KCNH3: variants seen among roughly 807,000 people sequenced by gnomAD.
KCNH3 encodes the protein voltage-gated inwardly rectifying potassium channel KCNH3.
In KCNH3, 36 loss-of-function variants were observed where a neutral mutation model predicts 95.6. The observed-to-expected ratio is 0.38, with a 90% CI of 0.29 to 0.50. KCNH3 has a LOEUF of 0.50. Among genes scored for constraint, KCNH3 ranks in the 20% least tolerant of loss-of-function variants. The probability of loss-of-function intolerance (pLI) is 0.95; values close to 1 mark genes in which losing one functional copy is unlikely to be tolerated. For synonymous variants in KCNH3, 620 were observed against 646.3 expected (o/e 0.96, Z 0.62); for missense variants, 1,030 against 1,484.1 (o/e 0.69, Z 5.03).
chr12:49,549,255 C>A, intron 8 of KCNH3, 82 bp downstream of exon 8: 2 of 1,500,476 alleles, frequency 1.3e-6, no homozygotes, highest in Non-Finnish European at 1.8e-6. Context: ...CCCGGAGGGC[C>A]TGAGGCCGGG....
At chr12:49,547,614 G>T (rs961907802) in intron 7 of KCNH3, among the ~76,000 whole-genome samples, 1 of 152,214 alleles carries the variant, frequency 6.6e-6, no homozygotes, top group Admixed American at 6.5e-5. Context: ...CTCCTGTGGG[G>T]CCCCCAGCTC....
chr12:49,554,084 T>G (rs1373091711), intron 10 of KCNH3, among the ~76,000 whole-genome samples: 1 of 152,116 alleles, frequency 6.6e-6, no homozygotes, highest in Non-Finnish European at 1.5e-5. Context: ...GGCACAGTGG[T>G]TTTGATCCTG....
At position 49,539,281 on chromosome 12, in the gene KCNH3, C is replaced by T. The variant is rs1937783459; in HGVS notation, c.-136C>T. ...CAGCGTCCGGCGCGACCCCGGATCC[C>T]GGTCTGCGCATTGCCCCCCGACGGC... On this transcript the variant is annotated 5_prime_UTR_variant, in exon 1 of 15. Transcript: ENST00000257981. The surrounding 1 kb of genome is among the most constrained non-coding windows in gnomAD (Gnocchi z 6.7). The T allele has an allele frequency of 5.8e-6, 2 of 346,064 alleles. No homozygotes were observed. Among genetic ancestry groups the T allele is most frequent in the Non-Finnish European group, 9.6e-6 (2 of 207,372 alleles). 21.4% of individuals were successfully genotyped at this position (346,064 alleles called of 1,614,324 possible).
In KCNH3 at chr12:49,543,906, T is replaced by C. The variant is rs1937961319; in HGVS notation, c.824-9T>C. ...CCCCAGTGCTGACTCCCACCCGGAT[T>C]CCCCACAGACATTGTGCTGAATTTC... On this transcript the variant is annotated splice_polypyrimidine_tract_variant and intron_variant, in intron 5 of 14. Coordinates refer to ENST00000257981, the MANE Select transcript of KCNH3 (RefSeq NM_012284.3). 6.2e-7 allele frequency: 1 copy of C among 1,600,932 alleles called. No individual in the cohort carries two copies. Among genetic ancestry groups the C allele is most frequent in the African/African-American group, 1.3e-5 (1 of 74,720 alleles).
Position 49,557,551 on chromosome 12 carries a change from GC to G in KCNH3, c.2855del (p.Pro952GlnfsTer6), listed in dbSNP as rs1443082884. 6.2e-7 allele frequency: 1 copy of G among 1,612,032 alleles called. No homozygotes were observed. Among genetic ancestry groups the G allele is most frequent in the Non-Finnish European group, 8.5e-7 (1 of 1,179,982 alleles). ...CTGGGGCATCCTCCTACTGCCTGCA[GC>G]CCCCAGCTGGCTCTGTCTTGAGTGG... ...DTGASSYCLQ[P>X]PAGSVLSGTW... On this transcript the variant is annotated frameshift_variant, in exon 15 of 15. Transcript: ENST00000257981. LOFTEE classifies it high-confidence loss of function.
intron 12 of KCNH3, 99 bp downstream of exon 12, chr12:49,556,050 C>A: frequency 1.5e-6 from 1 of 650,846 alleles, no homozygotes; most frequent in Middle Eastern, 3.6e-4. Context: ...ACCATCTTAA[C>A]TCCCGCTAGT....
Position 49,549,523 on chromosome 12 carries a change from C to G in KCNH3, c.1551C>G (p.Arg517=). The G allele has an allele frequency of 6.2e-7, 1 of 1,613,718 alleles. No homozygotes were observed. Among genetic ancestry groups the G allele is most frequent in the Non-Finnish European group, 8.5e-7 (1 of 1,180,040 alleles). The change falls in exon 9 of 15, where the codon CGC becomes CGG. Residue 517 remains arginine (R), a synonymous_variant. Transcript: ENST00000257981. ...MYARRFLYHS[R]TRDLRDYIRI... is the part of the protein sequence containing the mutation. ...CCCGCCGCTTTCTGTACCACAGCCG[C>G]ACGCGCGACCTGCGCGACTACATCC...
At chr12:49,541,896 G>A in intron 3 of KCNH3, 132 bp downstream of exon 3, 2 of 911,656 alleles carry the variant, frequency 2.2e-6, no homozygotes. Context: ...CTGCCTGAGA[G>A]GCCTGTGCTG....
rs757091311 is a variant in KCNH3, at chr12:49,544,983, CT to C, written c.1189+603del. On this transcript the variant is annotated intron_variant, in intron 7 of 14. Coordinates refer to ENST00000257981, the MANE Select transcript of KCNH3 (RefSeq NM_012284.3). ...CACATCTTAACTCCTGCTGGGAGGG[CT>C]TCCACCCCCACCTCTGCACCCAAAA... 3.9e-5 allele frequency among the ~76,000 whole-genome samples: 6 copies of C among 152,276 alleles called. No homozygotes were observed. The South Asian group carries it at 1.2e-3, about 32-fold the overall frequency.
chr12:49,556,809 T>C (rs763492463), intron 13 of KCNH3: 57 of 645,950 alleles, frequency 8.8e-5, no homozygotes, highest in Non-Finnish European at 1.3e-4. Flanking sequence ...CTTAGCCCAA[T>C]CTCTGGCTAA....
At position 49,539,330 on chromosome 12, in the gene KCNH3, G is replaced by T; in HGVS notation, c.-87G>T. 1.3e-6 allele frequency: 1 copy of T among 780,076 alleles called. No individual in the cohort carries two copies. The highest frequency in any genetic ancestry group is 1.8e-6 in the Non-Finnish European group (1 of 568,608). 48.3% of individuals were successfully genotyped at this position (780,076 alleles called of 1,614,324 possible). On this transcript the variant is annotated 5_prime_UTR_variant, in exon 1 of 15. Transcript: ENST00000257981. This position sits in a 1 kb window ranked among gnomAD's most constrained non-coding sequence, Gnocchi z 6.7. ...GCTGCGCTAGGGAGCGCGGGGCCCG[G>T]CGGGGGGCGGCCGAGCTGGGCGCCC...
intron 7 of KCNH3, among the ~76,000 whole-genome samples, chr12:49,544,812 C>T (rs755845064): frequency 3.3e-5 from 5 of 151,740 alleles, no homozygotes; most frequent in Admixed American, 6.6e-5. Flanking sequence ...GTCCACATTT[C>T]TTCTGTCATC....
rs749782021 is a variant in KCNH3 at position 49,557,873 on chromosome 12, C to G, written c.3172C>G (p.His1058Asp). 6.4e-7 allele frequency: 1 copy of G among 1,572,410 alleles called. No homozygotes were observed. Among genetic ancestry groups the G allele is most frequent in the Non-Finnish European group, 8.6e-7 (1 of 1,158,548 alleles). Residue 1058 changes from histidine (H) to aspartate (D), a missense_variant, in exon 15 of 15, where the codon CAC becomes GAC. His to Asp is a moderately conservative substitution (Grantham distance 81). Transcript: ENST00000257981. ...SGGLALPWDP[H>D]SLEMVLIGCH... ...GGGCCTGGCCTTGCCCTGGGACCCCCACAGCCTGGAGATGGTGCTTATTGG... is the reference window on the plus strand; with the variant it reads ...GGGCCTGGCCTTGCCCTGGGACCCCGACAGCCTGGAGATGGTGCTTATTGG...
At chr12:49,554,175 G>A (rs1301853405) in intron 10 of KCNH3, among the ~76,000 whole-genome samples, 162 bp from the exon 11 acceptor site, 1 of 152,228 alleles carries the variant, frequency 6.6e-6, no homozygotes, top group Non-Finnish European at 1.5e-5. Flanking sequence ...CAGGCGTCAG[G>A]CCATGTCCCA....
chr12:49,556,585 C>T, intron 13 of KCNH3, 109 bp downstream of exon 13: 1 of 828,856 alleles, frequency 1.2e-6, no homozygotes, highest in Non-Finnish European at 2.0e-6. Context: ...TGGCAGACTG[C>T]CTGGAGGCCG....
In KCNH3 at chr12:49,557,937, A is replaced by G. The variant is rs1938538986; in HGVS notation, c.3236A>G (p.Glu1079Gly). ...GSGTVQWTQE[E>G]GTGV Reference sequence around the variant, plus strand: ...GGCACAGTCCAGTGGACCCAGGAAGAAGGCACAGGGGTCTGAGTACCAGCC... The same window carrying G: ...GGCACAGTCCAGTGGACCCAGGAAGGAGGCACAGGGGTCTGAGTACCAGCC... Residue 1079 changes from glutamate to glycine, a missense_variant, in exon 15 of 15, where the codon GAA (glutamate) becomes GGA (glycine). Coordinates refer to ENST00000257981, the MANE Select transcript of KCNH3 (RefSeq NM_012284.3). The G allele has an allele frequency of 6.6e-7, 1 of 1,507,000 alleles. No homozygotes were observed. The highest frequency in any genetic ancestry group is 2.3e-5 in the East Asian group (1 of 43,778). The allele number at this position is 1,507,000 out of a possible 1,614,324, so 93.4% of individuals were successfully genotyped here.
Position 49,556,406 on chromosome 12 carries a change from C to A in KCNH3, c.2505C>A (p.Asp835Glu), listed in dbSNP as rs751029241. ...GCATTGAAGACGGCTGTGGCTCGGACCAGCCCAAGTTCTCTTTCCGCGTGG... is the reference window on the plus strand; with the variant it reads ...GCATTGAAGACGGCTGTGGCTCGGAACAGCCCAAGTTCTCTTTCCGCGTGG... ...VDGIEDGCGSDQPKFSFRVGQ... is the reference protein window; with the variant it reads ...VDGIEDGCGSEQPKFSFRVGQ... The change falls in exon 13 of 15, where the codon GAC (aspartate) becomes GAA (glutamate). Residue 835 changes from aspartate (D) to glutamate (E), a missense_variant. This residue lies in a region of KCNH3 where 464 missense variants were observed against 493.2 expected (regional missense o/e 0.94). Coordinates refer to ENST00000257981, the MANE Select transcript of KCNH3 (RefSeq NM_012284.3). 1 of 1,613,908 alleles carries A rather than the reference C, an allele frequency of 6.2e-7. No homozygotes were observed. Among genetic ancestry groups the A allele is most frequent in the African/African-American group, 1.3e-5 (1 of 74,918 alleles).
intron 8 of KCNH3, 45 bp from the exon 9 acceptor site, chr12:49,549,396 C>G: frequency 6.3e-7 from 1 of 1,595,192 alleles, no homozygotes; most frequent in Non-Finnish European, 8.6e-7. Context: ...GGTGTCAGGC[C>G]GGGCCAGGTC....
In KCNH3 at chr12:49,550,085, G is replaced by A. The variant is rs1938210249; in HGVS notation, c.1674G>A (p.Leu558=). 14 of 1,552,044 alleles carry A rather than the reference G, an allele frequency of 9.0e-6. No homozygotes were observed. Among genetic ancestry groups the A allele is most frequent in the Admixed American group, 1.7e-5 (1 of 58,472 alleles). The change falls in exon 10 of 15, where the codon CTG becomes CTA. Residue 558 remains leucine, a synonymous_variant. Coordinates refer to ENST00000257981, the MANE Select transcript of KCNH3 (RefSeq NM_012284.3). ...VNNGIDTTEL[L]QSLPDELRAD... is the part of the protein sequence containing the mutation. ...CCGCACCTGCTCACCTGCAGCTGCT[G>A]CAGAGCCTCCCTGACGAGCTGCGCG...
Sources: allele counts gnomAD v4.1 joint callset (sites outside exome capture counted in the v4.1 genomes callset), GRCh38; gene constraint gnomAD v4.1.1; regional missense constraint gnomAD v4.1.1; non-coding constraint Gnocchi (gnomAD v3.1); transcripts MANE v1.5; gene names NCBI Gene and HGNC (gene_info 2026-07-23, HGNC 2026-07-21).